The following CRHR2 variants were observed in gnomAD, a reference collection of about 807,000 sequenced individuals.
The protein encoded by CRHR2 is corticotropin-releasing hormone receptor 2.
In CRHR2, 53 loss-of-function variants were observed where a neutral mutation model predicts 57.9. That is an observed-to-expected ratio of 0.92 (90% CI 0.73 to 1.15). The LOEUF is 1.15. CRHR2 is among the 50% of genes most tolerant of loss of function. CRHR2 has a pLI of 0.00. For synonymous variants in CRHR2, 213 were observed against 220.9 expected, an observed-to-expected ratio of 0.96 and a Z score of 0.32; for missense variants, 532 against 542.6, an observed-to-expected ratio of 0.98 and a Z score of 0.19.
upstream of CRHR2, among the ~76,000 whole-genome samples, chr7:30,684,417 G>GTATCC (rs556823327): frequency 2.9e-4 from 44 of 152,330 alleles, no homozygotes; most frequent in East Asian, 8.3e-3. Flanking sequence ...CACCACCTAG[G>GTATCC]TGGTGCCTAA....
At chr7:30,681,867 T>C in intron 2 of CRHR2, 48 bp downstream of exon 2, 2 of 1,577,678 alleles carry the variant, frequency 1.3e-6, no homozygotes, top group East Asian at 2.3e-5. Flanking sequence ...TAAACCGCCT[T>C]CTCAGGAGGC....
intron 1 of CRHR2, among the ~76,000 whole-genome samples, chr7:30,690,859 A>G (rs1784947224): frequency 1.3e-5 from 2 of 152,192 alleles, no homozygotes; most frequent in South Asian, 4.1e-4. Flanking sequence ...GAAGTGAGGT[A>G]GAGAGGGAAA....
At chr7:30,679,895 C>T (rs1784643289) in intron 2 of CRHR2, among the ~76,000 whole-genome samples, 1 of 152,154 alleles carries the variant, frequency 6.6e-6, no homozygotes. Context: ...ACCTCACACC[C>T]CAGGTGCTGG....
chr7:30,682,496 T>G, upstream of CRHR2: 1 of 1,298,876 alleles, frequency 7.7e-7, no homozygotes, highest in Non-Finnish European at 9.7e-7. Context: ...TGCACGGAGC[T>G]GCGGGTACAG....
intron 7 of CRHR2, 73 bp downstream of exon 7, chr7:30,662,083 A>G: frequency 2.6e-6 from 4 of 1,521,328 alleles, no homozygotes; most frequent in Non-Finnish European, 3.6e-6. Context: ...GCTTGGCCAG[A>G]GCCCAAGGCT....
intron 8 of CRHR2, among the ~76,000 whole-genome samples, chr7:30,658,662 G>A (rs1783880451): frequency 6.6e-6 from 1 of 152,194 alleles, no homozygotes; most frequent in Non-Finnish European, 1.5e-5. Flanking sequence ...CTGCCCCCGA[G>A]GGGCCTAACC....
In CRHR2 at chr7:30,665,087, C is replaced by G; in HGVS notation, c.526G>C (p.Val176Leu). 1 of 1,613,980 alleles carries G rather than the reference C, an allele frequency of 6.2e-7. No homozygotes were observed. ...WFLLQLVDHE[V>L]HESNEVWCRC... ...GCAATGACCTCATTGCTCTCGTGCA[C>G]TTCATGGTCAACGAGCTGCAGCAGG... Residue 176 changes from valine (V) to leucine (L), a missense_variant, in exon 5 of 12, where the codon GTG becomes CTG. By Grantham distance (32) the Val-to-Leu change is conservative (BLOSUM62 1). Transcript: ENST00000471646. This position sits in a 1 kb window ranked among gnomAD's most constrained non-coding sequence, Gnocchi z 4.5.
Position 30,682,404 on chromosome 7 carries a change from G to C in CRHR2, c.-124C>G. ...TCCTGGCCCCCGCCAGCCCAGCCCC[G>C]ATCTCCCGGGCAGCCTTTGGGCGCC... On this transcript the variant is annotated 5_prime_UTR_variant, in exon 1 of 12. The change creates a new upstream start codon in the 5' untranslated region. Coordinates refer to ENST00000471646, the MANE Select transcript of CRHR2 (RefSeq NM_001883.5). 7.3e-7 allele frequency: 1 copy of C among 1,369,594 alleles called. No individual in the cohort carries two copies. Among genetic ancestry groups the C allele is most frequent in the Non-Finnish European group, 9.4e-7 (1 of 1,067,702 alleles). 84.8% of individuals were successfully genotyped at this position (1,369,594 alleles called of 1,614,324 possible).
rs1176661002 is a variant in CRHR2 at position 30,653,717 on chromosome 7, T to G, written c.1096-117A>C. ...GACTGCCACCCTCATGACAAGGAACTGTCTGCTTCCAAAACAGGTCCTTCC... is the reference window on the plus strand; with the variant it reads ...GACTGCCACCCTCATGACAAGGAACGGTCTGCTTCCAAAACAGGTCCTTCC... On this transcript the variant is annotated intron_variant, in intron 11 of 11. Transcript: ENST00000471646. The surrounding 1 kb of genome is among the most constrained non-coding windows in gnomAD (Gnocchi z 5.0). 7.8e-7 allele frequency: 1 copy of G among 1,286,844 alleles called. No individual in the cohort carries two copies. Among genetic ancestry groups the G allele is most frequent in the African/African-American group, 1.5e-5 (1 of 66,402 alleles). The allele number at this position is 1,286,844 out of a possible 1,614,324, so 79.7% of individuals were successfully genotyped here. A position where few individuals can be genotyped will look rare whatever the true frequency, so the allele number is the denominator to read the frequency against.
At chr7:30,654,619 T>C (rs1026679741) in intron 11 of CRHR2, 1 of 1,470,096 alleles carries the variant, frequency 6.8e-7, no homozygotes. Flanking sequence ...CAGAGCCTGC[T>C]CTTGGTGTGT....
intron 2 of CRHR2, among the ~76,000 whole-genome samples, chr7:30,675,055 A>G (rs1784475079): frequency 6.6e-6 from 1 of 152,198 alleles, no homozygotes; most frequent in South Asian, 2.1e-4. Context: ...GTCATGGCAA[A>G]CCCAGGACTT....
intron 1 of CRHR2, among the ~76,000 whole-genome samples, chr7:30,690,875 G>A (rs1784947441): frequency 6.6e-6 from 1 of 152,200 alleles, no homozygotes; most frequent in Non-Finnish European, 1.5e-5. Context: ...GGAAATGCAG[G>A]GGAGCAGGTG....
rs1386057849 is a variant in CRHR2 at position 30,662,148 on chromosome 7, C to A, written c.758+8G>T. ...CCATGACCCCCCATGGCTGGCCCAT[C>A]CACTTACTGTTCATTCTCATAGTAG... On this transcript the variant is annotated splice_region_variant and intron_variant, in intron 7 of 11. Transcript: ENST00000471646. 6.2e-7 allele frequency: 1 copy of A among 1,613,850 alleles called. No homozygotes were observed. Among genetic ancestry groups the A allele is most frequent in the Non-Finnish European group, 8.5e-7 (1 of 1,179,928 alleles).
intron 11 of CRHR2, 146 bp downstream of exon 11, chr7:30,654,893 A>T: frequency 6.4e-7 from 1 of 1,551,078 alleles, no homozygotes; most frequent in Non-Finnish European, 8.7e-7. Context: ...TGTGAGAAGG[A>T]TTCCTGTTCC....
chr7:30,690,848 C>T (rs765184276), intron 1 of CRHR2, among the ~76,000 whole-genome samples: 4 of 152,174 alleles, frequency 2.6e-5, no homozygotes, highest in South Asian at 2.1e-4. Flanking sequence ...TCCCACCCCA[C>T]GAAGTGAGGT....
chr7:30,668,269 A>G (rs902049842), intron 2 of CRHR2, among the ~76,000 whole-genome samples: 27 of 152,054 alleles, frequency 1.8e-4, no homozygotes, highest in African/African-American at 6.5e-4. Context: ...CACCCCCTCC[A>G]TACACCAGCT....
In CRHR2 at chr7:30,667,208, A is replaced by G; in HGVS notation, c.315+20T>C. The G allele has an allele frequency of 6.2e-7, 1 of 1,609,202 alleles. No individual in the cohort carries two copies. The highest frequency in any genetic ancestry group is 8.5e-7 in the Non-Finnish European group (1 of 1,175,456). Reference sequence around the variant, plus strand: ...ATACCTGTGTGAGGCCTGGGGTCACAGCAGGTGAGGGCCACTCACCTTGTC... The same window carrying G: ...ATACCTGTGTGAGGCCTGGGGTCACGGCAGGTGAGGGCCACTCACCTTGTC... On this transcript the variant is annotated intron_variant, in intron 3 of 11. Transcript: ENST00000471646.
intron 7 of CRHR2, 53 bp from the exon 8 acceptor site, chr7:30,660,698 C>A (rs1783967072): frequency 3.9e-6 from 6 of 1,529,000 alleles, no homozygotes; most frequent in South Asian, 1.2e-5. Context: ...CTGGGGGACC[C>A]CCACAGACTT....
intron 1 of CRHR2, chr7:30,698,271 G>A (rs1003684205): frequency 3.3e-5 from 5 of 152,352 alleles, no homozygotes; most frequent in African/African-American, 1.2e-4. Flanking sequence ...ATCCGCAGGA[G>A]AGCTAGGCGC....
Sources: allele counts gnomAD v4.1 joint callset (sites outside exome capture counted in the v4.1 genomes callset), GRCh38; gene constraint gnomAD v4.1.1; non-coding constraint Gnocchi (gnomAD v3.1); transcripts MANE v1.5; gene names NCBI Gene and HGNC (gene_info 2026-07-23, HGNC 2026-07-21).